The following ZNF717 variants were observed in gnomAD, a reference collection of about 807,000 sequenced individuals.
The protein encoded by ZNF717 is zinc finger protein 717, also known as krueppel-like factor X17.
Under a neutral mutation model 13.8 loss-of-function variants are expected in ZNF717, and 9 were observed. The ratio of observed to expected loss-of-function variants is 0.65; its 90% CI spans 0.39 to 1.14. ZNF717 has a LOEUF of 1.14. ZNF717 is among the 50% of genes most tolerant of loss of function. ZNF717 has a pLI of 0.01. For missense variants in ZNF717, 1,040 were observed against 1,080.7 expected (o/e 0.96, Z 0.53); for synonymous variants, 327 against 364.1 (o/e 0.90, Z 1.16).
At chr3:75,712,649 G>T (rs1163092235) in intron 5 of ZNF717, among the ~76,000 whole-genome samples, 1 of 152,078 alleles carries the variant, frequency 6.6e-6, no homozygotes, top group Non-Finnish European at 1.5e-5. Flanking sequence ...AGTTTAGGAT[G>T]AAAATTTACC....
chr3:75,709,345 G>T (rs1267441110), downstream of ZNF717, among the ~76,000 whole-genome samples: 21 of 152,040 alleles, frequency 1.4e-4, no homozygotes, highest in Non-Finnish European at 2.4e-4. Context: ...CTCTGGGTGA[G>T]AACTTATCAC....
chr3:75,709,436 G>A (rs1937886043), downstream of ZNF717, among the ~76,000 whole-genome samples: 1 of 152,164 alleles, frequency 6.6e-6, no homozygotes, highest in South Asian at 2.1e-4. Context: ...TCCAACACTG[G>A]GGATTACATT....
At chr3:75,713,812 A>C (rs2918467) in intron 5 of ZNF717, among the ~76,000 whole-genome samples, 63,665 of 151,738 alleles carry the variant, frequency 0.42, 13,872 homozygotes, top group East Asian at 0.64. Flanking sequence ...ACACAGAGAC[A>C]AGTAGTGGCC....
downstream of ZNF717, among the ~76,000 whole-genome samples, chr3:75,733,097 T>C (rs1284195456): frequency 2.6e-5 from 4 of 152,198 alleles, no homozygotes; most frequent in Non-Finnish European, 5.9e-5. Context: ...AAGAATGTCT[T>C]TGATTGGCTT....
chr3:75,722,149 A>C (rs1938181431), intron 4 of ZNF717, among the ~76,000 whole-genome samples: 1 of 151,744 alleles, frequency 6.6e-6, no homozygotes, highest in African/African-American at 2.4e-5. Flanking sequence ...AGTCCCAGCT[A>C]CTCGGGAGGC....
intron 2 of ZNF717, among the ~76,000 whole-genome samples, chr3:75,745,790 C>T (rs1384709189): frequency 6.6e-6 from 1 of 151,584 alleles, no homozygotes; most frequent in East Asian, 1.9e-4. Flanking sequence ...TCAAAAATGA[C>T]AGGGTTTTCT....
chr3:75,781,024 A>C (rs1944775728), intron 2 of ZNF717, among the ~76,000 whole-genome samples: 1 of 152,228 alleles, frequency 6.6e-6, no homozygotes, highest in Non-Finnish European at 1.5e-5. Context: ...CCAGTGACTG[A>C]AGTTTTGGCC....
chr3:75,779,327 G>C (rs1456391501), intron 2 of ZNF717, among the ~76,000 whole-genome samples: 1 of 148,986 alleles, frequency 6.7e-6, no homozygotes, highest in African/African-American at 2.5e-5. Flanking sequence ...CAATGGGAGT[G>C]ACGTGCTAAA....
At chr3:75,768,738 C>A (rs577179776) in intron 2 of ZNF717, among the ~76,000 whole-genome samples, 1 of 151,778 alleles carries the variant, frequency 6.6e-6, no homozygotes, top group African/African-American at 2.4e-5. Context: ...AGATGACAGG[C>A]CACCACAACC....
chr3:75,730,313 G>A (rs1052377), exon 6 of ZNF717: 217,092 of 257,846 alleles, frequency 0.84, 90,856 homozygotes, highest in Middle Eastern at 0.9. Context: ...CCTACATCAG[G>A]AGATGGAGCA....
At chr3:75,783,426 C>T in intron 1 of ZNF717, 62 bp from the exon 2 acceptor site, 1 of 1,351,558 alleles carries the variant, frequency 7.4e-7, no homozygotes. Context: ...GTCCCAGATT[C>T]TTCTGCCCAA....
chr3:75,740,559 C>T (rs1404311847), intron 4 of ZNF717, among the ~76,000 whole-genome samples: 17 of 140,178 alleles, frequency 1.2e-4, no homozygotes, highest in East Asian at 4.3e-4. Context: ...CCCTTGTCAC[C>T]GTACTCAGCT....
At chr3:75,762,517 A>C (rs1943123342) in intron 2 of ZNF717, among the ~76,000 whole-genome samples, 1 of 152,140 alleles carries the variant, frequency 6.6e-6, no homozygotes, top group Non-Finnish European at 1.5e-5. Flanking sequence ...AAGAGGGCAA[A>C]AGATTTGAAC....
At chr3:75,704,913 G>C (rs1483779834), downstream of ZNF717, among the ~76,000 whole-genome samples, 6 of 152,304 alleles carry the variant, frequency 3.9e-5, no homozygotes, top group East Asian at 1.2e-3. Context: ...TATCAGAAAA[G>C]ATCAGCAGTA....
chr3:75,756,795 C>T (rs201084009), intron 2 of ZNF717, among the ~76,000 whole-genome samples: 1 of 152,228 alleles, frequency 6.6e-6, no homozygotes, highest in Non-Finnish European at 1.5e-5. Context: ...CTGCCTCAGC[C>T]TCCCGAGTAG....
exon 6 of ZNF717, chr3:75,711,200 A>G (rs1440727641): frequency 6.6e-6 from 1 of 152,258 alleles, no homozygotes; most frequent in Non-Finnish European, 1.5e-5. Context: ...TGGTTTCCAA[A>G]TTTTGGAGGA....
At chr3:75,769,620 T>C (rs980405382) in intron 2 of ZNF717, among the ~76,000 whole-genome samples, 1 of 152,234 alleles carries the variant, frequency 6.6e-6, no homozygotes, top group Non-Finnish European at 1.5e-5. Flanking sequence ...GAGATTTATA[T>C]TGAGTATTAG....
At chr3:75,704,455 C>A (rs1183480770) in intron 6 of ZNF717, among the ~76,000 whole-genome samples, 1 of 151,882 alleles carries the variant, frequency 6.6e-6, no homozygotes, top group East Asian at 1.9e-4. Flanking sequence ...TGAAGCCATT[C>A]AGGCGGGCAA....
downstream of ZNF717, among the ~76,000 whole-genome samples, chr3:75,707,194 C>T (rs1441464550): frequency 6.6e-6 from 1 of 152,166 alleles, no homozygotes; most frequent in East Asian, 1.9e-4. Flanking sequence ...TAGTGCTCCT[C>T]ACCCTCAGAA....
Sources: gnomAD v4.1 joint callset for allele counts (sites outside exome capture counted in the v4.1 genomes callset) on GRCh38, gnomAD v4.1.1 for gene constraint, MANE v1.5 for transcripts, NCBI Gene and HGNC (gene_info 2026-07-23, HGNC 2026-07-21) for gene names.